The following DAB2IP variants were observed in gnomAD, a reference collection of about 807,000 sequenced individuals.
The protein encoded by DAB2IP is DAB2 interacting protein, also known as disabled homolog 2-interacting protein.
DAB2IP carries 28 observed loss-of-function variants against 107.2 expected under a neutral mutation model. The observed-to-expected ratio is 0.26, with a 90% CI of 0.19 to 0.36. DAB2IP has a LOEUF of 0.36. Ranked by LOEUF, DAB2IP falls within the 10% of genes least tolerant of loss-of-function variation. DAB2IP has a pLI of 1.00. For synonymous variants in DAB2IP, 755 were observed against 706.4 expected (o/e 1.07, Z -1.09); for missense variants, 1,400 against 1,644.7 (o/e 0.85, Z 2.57).
intron 1 of DAB2IP, among the ~76,000 whole-genome samples, chr9:121,571,196 G>A (rs1829933059): frequency 6.6e-6 from 1 of 151,966 alleles, no homozygotes. Context: ...CACTCTCATA[G>A]GCCCTCTTTT....
At chr9:121,609,107 A>AT (rs924382105) in intron 1 of DAB2IP, among the ~76,000 whole-genome samples, 8 of 151,934 alleles carry the variant, frequency 5.3e-5, no homozygotes, top group African/African-American at 1.9e-4. Context: ...ACGGCCAGCT[A>AT]TTTTTTTGTG....
At position 121,699,236 on chromosome 9, in the gene DAB2IP, A is replaced by G. The variant is rs1829615798; in HGVS notation, c.229-89A>G. 7.7e-6 allele frequency: 8 copies of G among 1,041,696 alleles called. No individual in the cohort carries two copies. In the South Asian group the frequency reaches 3.0e-4, roughly 39 times the overall value. 64.5% of individuals were successfully genotyped at this position (1,041,696 alleles called of 1,614,324 possible). On this transcript the variant is annotated intron_variant, in intron 2 of 15. Transcript: ENST00000408936. The surrounding 1 kb of genome is among the most constrained non-coding windows in gnomAD (Gnocchi z 6.2). The stretch of plus-strand genomic sequence containing the variant: ...CCCGCCCTCGGCCGCGCGGCCGCCC[A>G]GCAAGGGTGCGGGTCCCGCGCGGGT...
intron 1 of DAB2IP, among the ~76,000 whole-genome samples, chr9:121,609,195 T>G (rs1830997352): frequency 1.3e-5 from 2 of 152,208 alleles, no homozygotes; most frequent in African/African-American, 4.8e-5. Context: ...TCCGTCCGCC[T>G]CGAACTCCCA....
intron 1 of DAB2IP, among the ~76,000 whole-genome samples, chr9:121,645,799 G>A (rs1418207909): frequency 6.6e-6 from 1 of 152,310 alleles, no homozygotes; most frequent in East Asian, 1.9e-4. Flanking sequence ...GGCTGTCGAC[G>A]TGTACGAGGG....
At chr9:121,769,563 T>C (rs1348050091) in intron 10 of DAB2IP, among the ~76,000 whole-genome samples, 1 of 152,222 alleles carries the variant, frequency 6.6e-6, no homozygotes, top group Non-Finnish European at 1.5e-5. Flanking sequence ...CAGTCCCCTA[T>C]TGATGGACAC....
At chr9:121,598,876 T>C (rs1195569013) in intron 1 of DAB2IP, among the ~76,000 whole-genome samples, 1 of 152,130 alleles carries the variant, frequency 6.6e-6, no homozygotes, top group African/African-American at 2.4e-5. Context: ...ATCTGGGAAA[T>C]GGGTCAATAA....
intron 11 of DAB2IP, among the ~76,000 whole-genome samples, chr9:121,771,251 A>T (rs76551700): frequency 0.053 from 8,129 of 152,254 alleles, 754 homozygotes; most frequent in African/African-American, 0.19. Flanking sequence ...CCTAAATAAG[A>T]CACACACGGC....
At position 121,614,337 on chromosome 9, in the gene DAB2IP, CTTTTTT is replaced by C. The variant is rs35959966; in HGVS notation, c.40+47125_40+47130del. Among the ~76,000 whole-genome samples, 35 of 102,746 alleles carry C rather than the reference CTTTTTT, an allele frequency of 3.4e-4. No individual in the cohort carries two copies. In the East Asian group the frequency reaches 9.5e-3, roughly 28 times the overall value. The allele number at this position is 102,746 out of a possible 152,430, so 67.4% of individuals were successfully genotyped here. Reference sequence around the variant, plus strand: ...TCCCACCTTTGCACTTCTTTCTTTTCTTTTTTTTTTTTTTTTTTTTTGAGAGGGAGT... The same window carrying C: ...TCCCACCTTTGCACTTCTTTCTTTTCTTTTTTTTTTTTTTTGAGAGGGAGT... On this transcript the variant is annotated intron_variant, in intron 1 of 16. Coordinates refer to the DAB2IP transcript ENST00000259371.
chr9:121,735,456 G>C (rs1413365879), intron 3 of DAB2IP, among the ~76,000 whole-genome samples: 1 of 152,230 alleles, frequency 6.6e-6, no homozygotes, highest in Admixed American at 6.5e-5. Context: ...CTTAGTAGGA[G>C]CTCAGTAGTT....
At chr9:121,743,874 T>C (rs946069247) in intron 3 of DAB2IP, among the ~76,000 whole-genome samples, 1 of 152,192 alleles carries the variant, frequency 6.6e-6, no homozygotes, top group African/African-American at 2.4e-5. Flanking sequence ...CGGAGCACCC[T>C]GCCCCTCTAC....
intron 12 of DAB2IP, 65 bp from the exon 13 acceptor site, chr9:121,774,195 C>T: frequency 7.5e-6 from 11 of 1,461,028 alleles, no homozygotes; most frequent in Non-Finnish European, 1.0e-5. Context: ...TCACCTGGGC[C>T]ACTCCCGCCC....
In DAB2IP at chr9:121,576,441, G is replaced by A. The variant is rs142675705; in HGVS notation, c.40+9213G>A. On this transcript the variant is annotated intron_variant, in intron 1 of 16. Coordinates refer to the DAB2IP transcript ENST00000259371. Reference sequence around the variant, plus strand: ...GCCTTCCCTACTACCCCTCCAGCCCGGTCAATCCTGCCCATCCTGAAGTCT... The same window carrying A: ...GCCTTCCCTACTACCCCTCCAGCCCAGTCAATCCTGCCCATCCTGAAGTCT... 9.2e-4 allele frequency among the ~76,000 whole-genome samples: 139 copies of A among 151,394 alleles called. 1 individual carries two copies. The highest frequency in any genetic ancestry group is 3.2e-3 in the African/African-American group (129 of 40,732).
chr9:121,739,352 T>C (rs1377195979), intron 3 of DAB2IP, among the ~76,000 whole-genome samples: 1 of 152,162 alleles, frequency 6.6e-6, no homozygotes, highest in Admixed American at 6.5e-5. Context: ...AGTAGGTAGG[T>C]CATGACTGCC....
chr9:121,652,495 GT>G (rs1832789450), intron 1 of DAB2IP, among the ~76,000 whole-genome samples: 1 of 152,164 alleles, frequency 6.6e-6, no homozygotes, highest in African/African-American at 2.4e-5. Flanking sequence ...GGAAATGCGT[GT>G]GATCCCGGGG....
chr9:121,570,193 A>G (rs1283715598), intron 1 of DAB2IP, among the ~76,000 whole-genome samples: 1 of 142,330 alleles, frequency 7.0e-6, no homozygotes, highest in South Asian at 2.2e-4. Flanking sequence ...CTCAATTGCA[A>G]CCTCCACTTC....
At chr9:121,648,169 G>A (rs1374678897), upstream of DAB2IP, among the ~76,000 whole-genome samples, 1 of 152,046 alleles carries the variant, frequency 6.6e-6, no homozygotes, top group African/African-American at 2.4e-5. Context: ...GTTACTGCTC[G>A]GGATATGGGT....
Position 121,602,448 on chromosome 9 carries a change from T to C in DAB2IP, c.40+35220T>C, listed in dbSNP as rs531399210. ...TCACTCTGTCATCCAGGCTGGAGTG[T>C]AGTGGTACTATCATAGCTCACTAAG... is the stretch of plus-strand genomic sequence containing the variant. On this transcript the variant is annotated intron_variant, in intron 1 of 16. Coordinates refer to the DAB2IP transcript ENST00000259371. Among the ~76,000 whole-genome samples the C allele has an allele frequency of 2.0e-5, 3 of 152,202 alleles. No homozygotes were observed. The East Asian group carries it at 5.8e-4, about 29-fold the overall frequency.
chr9:121,608,566 A>T (rs1830970660), intron 1 of DAB2IP, among the ~76,000 whole-genome samples: 1 of 152,144 alleles, frequency 6.6e-6, no homozygotes, highest in African/African-American at 2.4e-5. Context: ...TGATGGGAAT[A>T]AAGCAGAAAA....
At chr9:121,768,938 T>C (rs1469768117) in intron 10 of DAB2IP, among the ~76,000 whole-genome samples, 1 of 152,202 alleles carries the variant, frequency 6.6e-6, no homozygotes, top group Non-Finnish European at 1.5e-5. Context: ...GAAATAGAAT[T>C]GGATCGTGAA....
Sources: allele counts gnomAD v4.1 joint callset (sites outside exome capture counted in the v4.1 genomes callset), GRCh38; gene constraint gnomAD v4.1.1; non-coding constraint Gnocchi (gnomAD v3.1); transcripts MANE v1.5; gene names NCBI Gene and HGNC (gene_info 2026-07-23, HGNC 2026-07-21).